NR4A1: variants seen among roughly 807,000 people sequenced by gnomAD.
NR4A1 encodes nuclear receptor subfamily 4 group A member 1.
A neutral mutation model predicts 47.5 loss-of-function variants in NR4A1; 24 were observed. The observed-to-expected ratio is 0.50, with a 90% confidence interval of 0.37 to 0.71. The LOEUF is 0.71. NR4A1 is among the 30% of genes least tolerant of loss of function. NR4A1 has a pLI of 0.00. For synonymous variants in NR4A1, 353 were observed against 345.7 expected (o/e 1.02, Z -0.24); for missense variants, 669 against 788.6 (o/e 0.85, Z 1.82).
rs1939168506 is a variant in NR4A1, at chr12:52,054,817, C to A, written c.489C>A (p.Pro163=). The A allele has an allele frequency of 6.2e-7, 1 of 1,613,506 alleles. No homozygotes were observed. The highest frequency in any genetic ancestry group is 1.1e-5 in the South Asian group (1 of 91,090). ...ATGGCTCCTTCGGCCACTTCTCGCC[C>A]AGCCAGACTTACGAAGGCCTGCGGG... ...PWDGSFGHFS[P]SQTYEGLRAW... is the part of the protein sequence containing the mutation. The change falls in exon 2 of 7, where the codon CCC becomes CCA. Residue 163 remains proline, a synonymous_variant. Transcript: ENST00000394825.
At chr12:52,036,110 C>A (rs1315725139) in intron 1 of NR4A1, among the ~76,000 whole-genome samples, 2 of 152,168 alleles carry the variant, frequency 1.3e-5, no homozygotes, top group Admixed American at 6.5e-5. Flanking sequence ...CCAGCCAGCC[C>A]CAATCCCATT....
chr12:52,052,396 T>G (rs1027022850), intron 1 of NR4A1: 23 of 769,514 alleles, frequency 3.0e-5, no homozygotes, highest in Non-Finnish European at 3.6e-5. Context: ...GTTGGAGTCT[T>G]GGGGCGGTGC....
chr12:52,037,488 G>C (rs1042275780), intron 1 of NR4A1: 10 of 982,408 alleles, frequency 1.0e-5, no homozygotes, highest in Non-Finnish European at 1.2e-5. Context: ...CGGAGAGGCC[G>C]GGCAATCTCG....
intron 1 of NR4A1, among the ~76,000 whole-genome samples, chr12:52,032,937 C>T (rs928116141): frequency 6.6e-6 from 1 of 152,170 alleles, no homozygotes; most frequent in Non-Finnish European, 1.5e-5. Context: ...TAACTCATTT[C>T]CCCCATCCTC....
chr12:52,055,333 C>A, intron 2 of NR4A1, 129 bp downstream of exon 2: 1 of 1,291,924 alleles, frequency 7.7e-7, no homozygotes, highest in Non-Finnish European at 1.1e-6. Flanking sequence ...TGGGATCAGC[C>A]CTGCCAGGTG....
intron 2 of NR4A1, among the ~76,000 whole-genome samples, chr12:52,046,060 C>G (rs766693435): frequency 1.1e-4 from 16 of 152,192 alleles, no homozygotes; most frequent in Non-Finnish European, 1.6e-4. Flanking sequence ...TTCTGCCCAC[C>G]CCAGGGGAAG....
At chr12:52,033,327 A>C (rs561757175) in intron 1 of NR4A1, among the ~76,000 whole-genome samples, 180 of 152,342 alleles carry the variant, frequency 1.2e-3, no homozygotes, top group South Asian at 2.1e-3. Flanking sequence ...CCGTCGTCGG[A>C]GGATGACCAA....
upstream of NR4A1, among the ~76,000 whole-genome samples, chr12:52,046,526 A>G (rs1442546606): frequency 6.6e-6 from 1 of 152,212 alleles, no homozygotes; most frequent in Non-Finnish European, 1.5e-5. Context: ...ATTCCCTGCT[A>G]ATCATACTTG....
chr12:52,045,237 C>T (rs1019155694), intron 2 of NR4A1, among the ~76,000 whole-genome samples: 2 of 152,226 alleles, frequency 1.3e-5, no homozygotes, highest in African/African-American at 2.4e-5. Flanking sequence ...CCGGCTCCCC[C>T]GTCCAGCTGA....
Position 52,039,313 on chromosome 12 carries a change from A to AC in NR4A1, c.-83-2495dup, listed in dbSNP as rs1938353442. Among the ~76,000 whole-genome samples the AC allele has an allele frequency of 2.6e-5, 4 of 152,334 alleles. No individual in the cohort carries two copies. In the South Asian group the frequency reaches 8.3e-4, roughly 32 times the overall value. On this transcript the variant is annotated intron_variant, in intron 1 of 7. Transcript: ENST00000360284. ...ATGCAGAGCTTGTACTCAGGAGGCC[A>AC]CCAGGACCTGTCACGCAGAGGGCCT...
chr12:52,023,695 C>T (rs911608352), intron 1 of NR4A1, among the ~76,000 whole-genome samples: 1 of 152,104 alleles, frequency 6.6e-6, no homozygotes, highest in Non-Finnish European at 1.5e-5. Context: ...CCCAGCCCCT[C>T]CCCTGCTGCT....
In NR4A1 at chr12:52,058,708, C is replaced by T; in HGVS notation, c.1561C>T (p.Pro521Ser). Reference sequence around the variant, plus strand: ...CGCAGACCGGCATGGGCTGCAGGAGCCGCGGCGGGTGGAGGAGCTGCAGAA... The same window carrying T: ...CGCAGACCGGCATGGGCTGCAGGAGTCGCGGCGGGTGGAGGAGCTGCAGAA... Reference protein sequence around the residue: ...LITDRHGLQEPRRVEELQNRI... With the variant: ...LITDRHGLQESRRVEELQNRI... Residue 521 changes from proline (P) to serine (S), a missense_variant, in exon 7 of 7, where the codon CCG becomes TCG. Physicochemically the swap from Pro to Ser is moderately conservative, Grantham distance 74 (BLOSUM62 -1). Transcript: ENST00000394825. 1 of 1,605,910 alleles carries T rather than the reference C, an allele frequency of 6.2e-7. No individual in the cohort carries two copies. Among genetic ancestry groups the T allele is most frequent in the Non-Finnish European group, 8.5e-7 (1 of 1,176,638 alleles).
chr12:52,035,755 G>A (rs1039101768), intron 1 of NR4A1, among the ~76,000 whole-genome samples: 8 of 152,138 alleles, frequency 5.3e-5, no homozygotes, highest in East Asian at 3.9e-4. Flanking sequence ...TGAGAGAAAG[G>A]GAATTCTGAG....
chr12:52,034,816 C>A (rs1407960604), intron 1 of NR4A1, among the ~76,000 whole-genome samples: 1 of 152,194 alleles, frequency 6.6e-6, no homozygotes, highest in Non-Finnish European at 1.5e-5. Context: ...AGGGTAAGCA[C>A]CTTGGATGTA....
intron 1 of NR4A1, chr12:52,037,470 G>A: frequency 1.0e-6 from 1 of 985,030 alleles, no homozygotes; most frequent in Non-Finnish European, 1.2e-6. Flanking sequence ...GTGGCGGGAG[G>A]TGGGCCCCGG....
At chr12:52,043,558 C>T (rs960392940) in intron 2 of NR4A1, 7 of 512,330 alleles carry the variant, frequency 1.4e-5, no homozygotes, top group Middle Eastern at 7.8e-4. Flanking sequence ...CCCAGGGTCA[C>T]GCTCATGCTG....
rs1319872912 is a variant in NR4A1, at chr12:52,057,170, C to A, written c.1272C>A (p.Ile424=). 1.2e-6 allele frequency: 2 copies of A among 1,614,096 alleles called. No homozygotes were observed. Among genetic ancestry groups the A allele is most frequent in the Admixed American group, 3.3e-5 (2 of 60,024 alleles). ...TCATCCGCAAGTGGGCGGAGAAGAT[C>A]CCTGGCTTTGCTGAGCTGTCACCGG... The part of the protein sequence containing the change: ...LEVIRKWAEK[I]PGFAELSPAD... The change falls in exon 5 of 7, where the codon ATC becomes ATA. Residue 424 remains isoleucine, a synonymous_variant. Transcript: ENST00000394825.
At chr12:52,056,763 G>C in intron 4 of NR4A1, 118 bp downstream of exon 4, 3 of 417,628 alleles carry the variant, frequency 7.2e-6, no homozygotes, top group Non-Finnish European at 8.8e-6. Flanking sequence ...GTTTAAAAAA[G>C]AAAGAAAGAA....
At chr12:52,048,327 G>A (rs1342072420), upstream of NR4A1, among the ~76,000 whole-genome samples, 3 of 151,758 alleles carry the variant, frequency 2.0e-5, no homozygotes, top group Non-Finnish European at 2.9e-5. Context: ...GGGTACAGTG[G>A]CTCATGCCTG....
Sources: gnomAD v4.1 joint callset for allele counts (sites outside exome capture counted in the v4.1 genomes callset) on GRCh38, gnomAD v4.1.1 for gene constraint, MANE v1.5 for transcripts, NCBI Gene and HGNC (gene_info 2026-07-23, HGNC 2026-07-21) for gene names.